The following MACROD2 variants were observed in gnomAD, a reference collection of about 807,000 sequenced individuals.
MACROD2 encodes ADP-ribose glycohydrolase MACROD2.
In MACROD2, 36 loss-of-function variants were observed where a neutral mutation model predicts 70.4. That is an observed-to-expected ratio of 0.51 (90% CI 0.39 to 0.68). The LOEUF is 0.68. MACROD2 is among the 30% of genes least tolerant of loss of function. The probability of loss-of-function intolerance (pLI) is 0.00; values close to 1 mark genes in which losing one functional copy is unlikely to be tolerated. For synonymous variants in MACROD2, 172 were observed against 178.8 expected (o/e 0.96, Z 0.30); for missense variants, 496 against 538.4 (o/e 0.92, Z 0.78).
At position 14,051,416 on chromosome 20, in the gene MACROD2, G is replaced by T. The variant is rs187891809; in HGVS notation, c.164-34205G>T. Among the ~76,000 whole-genome samples, 7 of 152,204 alleles carry T rather than the reference G, an allele frequency of 4.6e-5. No individual in the cohort carries two copies. In the East Asian group the frequency reaches 1.4e-3, roughly 29 times the overall value. The stretch of plus-strand genomic sequence containing the variant: ...ACTTTTCTGTTACTTCTTAGCAGTT[G>T]TCTCCTTCCCCTATTATTCCTGGAC... On this transcript the variant is annotated intron_variant, in intron 2 of 17. Transcript: ENST00000684519.
At chr20:14,471,621 T>C (rs1027227712) in intron 3 of MACROD2, among the ~76,000 whole-genome samples, 2 of 152,262 alleles carry the variant, frequency 1.3e-5, no homozygotes, top group Non-Finnish European at 2.9e-5. Context: ...AAAATAAAAG[T>C]TCATGCGAAT....
intron 5 of MACROD2, among the ~76,000 whole-genome samples, chr20:14,851,789 A>T (rs1197420880): frequency 6.6e-6 from 1 of 152,188 alleles, no homozygotes; most frequent in Non-Finnish European, 1.5e-5. Flanking sequence ...ATTTGAAGAG[A>T]TAATTATTCC....
At chr20:14,198,334 G>A (rs1037664624) in intron 3 of MACROD2, among the ~76,000 whole-genome samples, 1 of 152,226 alleles carries the variant, frequency 6.6e-6, no homozygotes, top group Admixed American at 6.5e-5. Flanking sequence ...AATGGAGAAT[G>A]ATGTGAGATG....
At chr20:15,768,672 T>A (rs1194209088) in intron 8 of MACROD2, among the ~76,000 whole-genome samples, 1 of 152,258 alleles carries the variant, frequency 6.6e-6, no homozygotes, top group Non-Finnish European at 1.5e-5. Context: ...TTATGATTTT[T>A]AACTTAATTT....
intron 12 of MACROD2, among the ~76,000 whole-genome samples, chr20:15,960,977 G>A (rs2147390824): frequency 6.6e-6 from 1 of 152,284 alleles, no homozygotes; most frequent in Admixed American, 6.5e-5. Flanking sequence ...AAGGAGAAGA[G>A]TGAATCCAGC....
At chr20:15,866,614 G>A (rs539320990) in intron 9 of MACROD2, among the ~76,000 whole-genome samples, 4 of 152,102 alleles carry the variant, frequency 2.6e-5, no homozygotes, top group Non-Finnish European at 4.4e-5. Flanking sequence ...TAATAGGTTC[G>A]TTTTCTCAGA....
At chr20:16,045,213 T>TA (rs2067363501) in intron 17 of MACROD2, among the ~76,000 whole-genome samples, 1 of 152,152 alleles carries the variant, frequency 6.6e-6, no homozygotes, top group African/African-American at 2.4e-5. Context: ...CTGGGTTTGT[T>TA]ACGTTGAATG....
chr20:15,738,849 G>A (rs1195179155), intron 8 of MACROD2, among the ~76,000 whole-genome samples: 1 of 152,104 alleles, frequency 6.6e-6, no homozygotes, highest in Non-Finnish European at 1.5e-5. Flanking sequence ...TGTCGGGGAG[G>A]AGAGCTATCA....
chr20:15,974,246 A>C (rs1259657991), intron 13 of MACROD2, among the ~76,000 whole-genome samples: 2 of 152,142 alleles, frequency 1.3e-5, no homozygotes, highest in Non-Finnish European at 2.9e-5. Context: ...CATTCCTTTC[A>C]CCAACATAAA....
intron 3 of MACROD2, among the ~76,000 whole-genome samples, chr20:14,125,315 A>C (rs2054634816): frequency 6.6e-6 from 1 of 152,204 alleles, no homozygotes; most frequent in Non-Finnish European, 1.5e-5. Flanking sequence ...TATAAGTTTT[A>C]CCTCAGTAAA....
intron 3 of MACROD2, among the ~76,000 whole-genome samples, chr20:14,453,021 C>T (rs1375557196): frequency 1.3e-5 from 2 of 151,946 alleles, no homozygotes; most frequent in East Asian, 1.9e-4. Flanking sequence ...GTCCTTAGGA[C>T]AAGAAGTGAG....
chr20:15,068,429 C>T (rs1040592214), intron 5 of MACROD2, among the ~76,000 whole-genome samples: 1 of 152,210 alleles, frequency 6.6e-6, no homozygotes, highest in Admixed American at 6.5e-5. Context: ...TTGGATATTT[C>T]TCCCCTCCAA....
At chr20:14,855,060 T>C (rs1001126923) in intron 5 of MACROD2, among the ~76,000 whole-genome samples, 8 of 152,120 alleles carry the variant, frequency 5.3e-5, no homozygotes, top group Non-Finnish European at 8.8e-5. Context: ...TATAAAGTGG[T>C]TATTTAAATT....
At chr20:15,075,451 G>T (rs1044721283) in intron 5 of MACROD2, among the ~76,000 whole-genome samples, 26 of 152,154 alleles carry the variant, frequency 1.7e-4, no homozygotes, top group African/African-American at 6.3e-4. Flanking sequence ...TATAAGGAAA[G>T]TTATTATCGT....
intron 8 of MACROD2, among the ~76,000 whole-genome samples, chr20:15,767,235 A>G (rs572107357): frequency 3.3e-5 from 5 of 152,376 alleles, no homozygotes; most frequent in African/African-American, 7.2e-5. Flanking sequence ...TGTATAGATC[A>G]TCTTTTGAGA....
chr20:15,747,107 T>A (rs1289483919), intron 8 of MACROD2, among the ~76,000 whole-genome samples: 1 of 152,136 alleles, frequency 6.6e-6, no homozygotes, highest in Non-Finnish European at 1.5e-5. Context: ...TATTGAGTAC[T>A]GAGTCAGAGT....
intron 8 of MACROD2, among the ~76,000 whole-genome samples, chr20:15,508,498 C>A (rs931313571): frequency 6.6e-6 from 1 of 152,056 alleles, no homozygotes; most frequent in Non-Finnish European, 1.5e-5. Context: ...AGAGGCATGG[C>A]CCAAAGATGC....
chr20:15,212,830 A>G (rs1320475347), intron 5 of MACROD2, among the ~76,000 whole-genome samples: 1 of 152,220 alleles, frequency 6.6e-6, no homozygotes, highest in Non-Finnish European at 1.5e-5. Flanking sequence ...GGCCAGCAGC[A>G]TCAGCAGCAT....
intron 3 of MACROD2, among the ~76,000 whole-genome samples, chr20:14,102,826 T>C (rs2054318007): frequency 6.6e-6 from 1 of 152,016 alleles, no homozygotes; most frequent in African/African-American, 2.4e-5. Flanking sequence ...GGATATAGGA[T>C]GTAGGATGGG....
Sources: allele counts gnomAD v4.1 joint callset (sites outside exome capture counted in the v4.1 genomes callset), GRCh38; gene constraint gnomAD v4.1.1; transcripts MANE v1.5; gene names NCBI Gene and HGNC (gene_info 2026-07-23, HGNC 2026-07-21).